The following IBTK variants were observed in gnomAD, a reference collection of about 807,000 sequenced individuals.
The protein encoded by IBTK is BTK-binding protein.
A neutral mutation model predicts 154.9 loss-of-function variants in IBTK; 83 were observed. The observed-to-expected ratio is 0.54, with a 90% CI of 0.45 to 0.64. The LOEUF is 0.64. Ranked by LOEUF, IBTK falls within the 30% of genes least tolerant of loss-of-function variation. IBTK has a pLI of 0.00. For missense variants in IBTK, 1,332 were observed against 1,584.6 expected, an observed-to-expected ratio of 0.84 and a Z score of 2.71; for synonymous variants, 515 against 536.1, an observed-to-expected ratio of 0.96 and a Z score of 0.54.
At chr6:82,214,974 T>C in intron 11 of IBTK, 145 bp from the exon 12 acceptor site, 2 of 747,756 alleles carry the variant, frequency 2.7e-6, no homozygotes, top group Non-Finnish European at 2.1e-6. Context: ...TACAAGAATA[T>C]TGCACAAAGT....
At position 82,200,188 on chromosome 6, in the gene IBTK, G is replaced by C. The variant is rs1242227945; in HGVS notation, c.2978C>G (p.Ser993Cys). 1.9e-6 allele frequency: 3 copies of C among 1,613,564 alleles called. No individual in the cohort carries two copies. The East Asian group carries it at 6.7e-5, about 36-fold the overall frequency. Residue 993 changes from serine to cysteine, a missense_variant, in exon 21 of 29, where the codon TCT becomes TGT. Ser to Cys is a moderately radical substitution (Grantham distance 112). Transcript: ENST00000306270. The stretch of plus-strand genomic sequence containing the variant: ...AATATCTGAAAGGTTATAACCTCCA[G>C]AACTATCTGAACGTTTACGTGGCTT... ...KKKPRKRSDS[S>C]GGYNLSDIIQ... is the part of the protein sequence containing the mutation.
At chr6:82,194,369 A>G (rs1161274643) in intron 23 of IBTK, 110 bp downstream of exon 23, 1 of 855,360 alleles carries the variant, frequency 1.2e-6, no homozygotes, top group Non-Finnish European at 1.6e-6. Context: ...TCTGTGCATT[A>G]GAAATTTATA....
chr6:82,211,324 GA>G (rs762551736), intron 15 of IBTK, 42 bp downstream of exon 15: 1 of 1,498,792 alleles, frequency 6.7e-7, no homozygotes, highest in South Asian at 1.2e-5. Flanking sequence ...AAAATATAAA[GA>G]AACATAGTTA....
In IBTK at chr6:82,172,646, G is replaced by A; in HGVS notation, c.3798-134C>T. The A allele has an allele frequency of 4.4e-6, 3 of 677,044 alleles. No individual in the cohort carries two copies. The South Asian group carries it at 7.6e-5, about 17-fold the overall frequency. 41.9% of individuals were successfully genotyped at this position (677,044 alleles called of 1,614,324 possible). A position where few individuals can be genotyped will look rare whatever the true frequency, so the allele number is the denominator to read the frequency against. Reference sequence around the variant, plus strand: ...ATGAACGAACCTGGAAGCTTTCACAGAGATTACAGAATGATGAGTTTCACT... The same window carrying A: ...ATGAACGAACCTGGAAGCTTTCACAAAGATTACAGAATGATGAGTTTCACT... On this transcript the variant is annotated intron_variant, in intron 27 of 28. Transcript: ENST00000306270.
chr6:82,181,451 C>T (rs373013914), intron 26 of IBTK, among the ~76,000 whole-genome samples: 2 of 152,100 alleles, frequency 1.3e-5, no homozygotes, highest in East Asian at 1.9e-4. Flanking sequence ...ACATACTGCA[C>T]GACCCTGCTG....
chr6:82,224,203 A>G lies in IBTK; in HGVS notation c.826-18T>C, dbSNP rs766540494. On this transcript the variant is annotated intron_variant, in intron 6 of 28. Transcript: ENST00000306270. ...GCCTGTATCTATTTAAAGACAAATA[A>G]AACTGCAATTTACTATATATTTATG... 6.5e-7 allele frequency: 1 copy of G among 1,528,860 alleles called. No homozygotes were observed. The highest frequency in any genetic ancestry group is 1.4e-5 in the African/African-American group (1 of 73,308). 94.7% of individuals were successfully genotyped at this position (1,528,860 alleles called of 1,614,324 possible). A position where few individuals can be genotyped will look rare whatever the true frequency, so the allele number is the denominator to read the frequency against.
chr6:82,221,624 A>T lies in IBTK; in HGVS notation c.1125-911T>A, dbSNP rs190036810. 2.1e-3 allele frequency among the ~76,000 whole-genome samples: 321 copies of T among 152,260 alleles called. 1 individual carries two copies. The highest frequency in any genetic ancestry group is 0.017 in the Middle Eastern group (5 of 294). On this transcript the variant is annotated intron_variant, in intron 8 of 28. Coordinates refer to ENST00000306270, the MANE Select transcript of IBTK (RefSeq NM_015525.4). ...CCCTTTTAAATTAAAGGAAAAAAAA[A>T]TTTTCAAAATTACTATATTGTATAA...
chr6:82,183,835 G>T (rs1038991776), intron 25 of IBTK, among the ~76,000 whole-genome samples: 3 of 152,174 alleles, frequency 2.0e-5, no homozygotes, highest in Non-Finnish European at 4.4e-5. Context: ...AGTTATGAGG[G>T]TGCCTCACAA....
chr6:82,227,436 C>A lies in IBTK; in HGVS notation c.544-134G>T, dbSNP rs1449178796. 1.8e-5 allele frequency: 8 copies of A among 454,512 alleles called. No homozygotes were observed. In the East Asian group the frequency reaches 2.8e-4, roughly 16 times the overall value. 28.2% of individuals were successfully genotyped at this position (454,512 alleles called of 1,614,324 possible). Reference sequence around the variant, plus strand: ...AGGGGAATTTATAAGACTTTAATTTCCACATTTTAAGTTTCCTGTAATAAA... The same window carrying A: ...AGGGGAATTTATAAGACTTTAATTTACACATTTTAAGTTTCCTGTAATAAA... On this transcript the variant is annotated intron_variant, in intron 4 of 28. Transcript: ENST00000306270.
chr6:82,171,812 C>T (rs1014979111), intron 28 of IBTK, among the ~76,000 whole-genome samples: 3 of 152,152 alleles, frequency 2.0e-5, no homozygotes, highest in Non-Finnish European at 4.4e-5. Context: ...GAAAAAGAAA[C>T]TGAAAATGGT....
chr6:82,185,184 GA>G (rs1196015823), intron 25 of IBTK, among the ~76,000 whole-genome samples: 1,321 of 37,812 alleles, frequency 0.035, 21 homozygotes, highest in African/African-American at 0.092. Flanking sequence ...CTCTGTCTCA[GA>G]AAAAAAAAAA....
intron 9 of IBTK, among the ~76,000 whole-genome samples, chr6:82,219,340 T>C (rs1769986374): frequency 6.6e-6 from 1 of 152,174 alleles, no homozygotes; most frequent in African/African-American, 2.4e-5. Flanking sequence ...AATATATGCC[T>C]ATAATGACCC....
intron 25 of IBTK, among the ~76,000 whole-genome samples, chr6:82,183,233 A>G (rs568779666): frequency 2.0e-5 from 3 of 152,220 alleles, no homozygotes; most frequent in Admixed American, 2.0e-4. Flanking sequence ...AACATGATGA[A>G]ACTCCGTCTC....
At chr6:82,228,114 C>T (rs1158252469) in intron 4 of IBTK, among the ~76,000 whole-genome samples, 1 of 152,062 alleles carries the variant, frequency 6.6e-6, no homozygotes, top group Non-Finnish European at 1.5e-5. Flanking sequence ...ATTCATTATA[C>T]TCACTTTACC....
At chr6:82,213,253 T>A (rs1769722191) in intron 12 of IBTK, among the ~76,000 whole-genome samples, 1 of 152,122 alleles carries the variant, frequency 6.6e-6, no homozygotes, top group African/African-American at 2.4e-5. Flanking sequence ...GGTCTCAAAC[T>A]CCTGACCTCA....
intron 18 of IBTK, among the ~76,000 whole-genome samples, chr6:82,201,808 T>G (rs1769221840): frequency 1.3e-5 from 2 of 152,010 alleles, no homozygotes; most frequent in South Asian, 4.1e-4. Flanking sequence ...CTGCAACTGC[T>G]GCCTCCTGGG....
At chr6:82,202,988 A>G (rs1335558551) in intron 17 of IBTK, among the ~76,000 whole-genome samples, 5 of 152,170 alleles carry the variant, frequency 3.3e-5, no homozygotes, top group African/African-American at 1.2e-4. Flanking sequence ...AGCTTTTATT[A>G]ATGAACAACT....
intron 27 of IBTK, 191 bp from the exon 28 acceptor site, chr6:82,172,703 C>A: frequency 9.1e-6 from 5 of 549,750 alleles, no homozygotes; most frequent in Non-Finnish European, 1.6e-5. Flanking sequence ...GCAAAATTTT[C>A]TCTGAAATAC....
chr6:82,241,181 A>C (rs1486380053), intron 1 of IBTK, among the ~76,000 whole-genome samples: 3 of 152,058 alleles, frequency 2.0e-5, no homozygotes, highest in African/African-American at 7.2e-5. Flanking sequence ...AAGTTAACCC[A>C]CATTGGTTGT....
Sources: gnomAD v4.1 joint callset for allele counts (sites outside exome capture counted in the v4.1 genomes callset) on GRCh38, gnomAD v4.1.1 for gene constraint, MANE v1.5 for transcripts, NCBI Gene and HGNC (gene_info 2026-07-23, HGNC 2026-07-21) for gene names.